ABCB5: variants seen among roughly 807,000 people sequenced by gnomAD.
The protein encoded by ABCB5 is ATP binding cassette subfamily B member 5.
A neutral mutation model predicts 144.2 loss-of-function variants in ABCB5; 155 were observed. That is an observed-to-expected ratio of 1.08 (90% CI 0.94 to 1.23). The LOEUF is 1.23. ABCB5 is among the 50% of genes most tolerant of loss of function. The pLI is 0.00. For synonymous variants in ABCB5, 610 were observed against 528.6 expected (o/e 1.15, Z -2.11); for missense variants, 1,830 against 1,520.8 (o/e 1.20, Z -3.38).
rs555372630 is a variant in ABCB5, at chr7:20,688,083, C to T, written c.2010+2247C>T. Reference sequence around the variant, plus strand: ...TGGCACATGCCTGTAATCCTAGCTACTCGGGAGGCTGAGGCAGGAGAATTG... The same window carrying T: ...TGGCACATGCCTGTAATCCTAGCTATTCGGGAGGCTGAGGCAGGAGAATTG... On this transcript the variant is annotated intron_variant, in intron 16 of 27. Transcript: ENST00000404938. Among the ~76,000 whole-genome samples the T allele has an allele frequency of 1.6e-4, 24 of 152,124 alleles. No homozygotes were observed. The South Asian group carries it at 5.0e-3, about 32-fold the overall frequency.
intron 5 of ABCB5, among the ~76,000 whole-genome samples, chr7:20,635,672 G>A (rs67238775): frequency 0.098 from 14,915 of 151,990 alleles, 775 homozygotes; most frequent in East Asian, 0.15. Context: ...TATTGTAAAT[G>A]GGATTGATTT....
intron 16 of ABCB5, among the ~76,000 whole-genome samples, chr7:20,687,628 G>T (rs966661165): frequency 6.6e-6 from 1 of 152,200 alleles, no homozygotes. Flanking sequence ...ACCAAGAACC[G>T]AAATAAGCTA....
intron 23 of ABCB5, among the ~76,000 whole-genome samples, chr7:20,731,846 A>G (rs944793951): frequency 2.0e-5 from 3 of 152,066 alleles, no homozygotes; most frequent in Non-Finnish European, 2.9e-5. Flanking sequence ...ACACTCATCC[A>G]AGCCCCTCCC....
intron 14 of ABCB5, among the ~76,000 whole-genome samples, chr7:20,668,780 G>A (rs1338364601): frequency 1.5e-5 from 2 of 135,534 alleles, no homozygotes; most frequent in East Asian, 5.0e-4. Flanking sequence ...GGGCGCCTCT[G>A]CCCGGCCGCC....
intron 11 of ABCB5, among the ~76,000 whole-genome samples, chr7:20,649,576 A>G (rs1302153901): frequency 6.6e-6 from 1 of 152,212 alleles, no homozygotes; most frequent in Non-Finnish European, 1.5e-5. Context: ...ATCGGGAGCC[A>G]CTAAGAAACT....
Position 20,645,837 on chromosome 7 carries a change from C to T in ABCB5, c.760C>T (p.Arg254Ter), listed in dbSNP as rs761038118. 42 of 1,613,666 alleles carry T rather than the reference C, an allele frequency of 2.6e-5. No homozygotes were observed. The highest frequency in any genetic ancestry group is 4.5e-5 in the East Asian group (2 of 44,882). The part of the protein sequence containing the change: ...AVAEEVLSSI[R>*]TVIAFRAQEK... Reference sequence around the variant, plus strand: ...GGCAGAAGAAGTCTTGTCATCAATCCGAACAGTCATAGCCTTTAGGGCCCA... The same window carrying T: ...GGCAGAAGAAGTCTTGTCATCAATCTGAACAGTCATAGCCTTTAGGGCCCA... Residue 254 changes from arginine to a stop codon, truncating the protein, a stop_gained, in exon 8 of 28, where the codon CGA becomes TGA. Transcript: ENST00000404938. LOFTEE classifies it high-confidence loss of function.
At chr7:20,637,048 C>G (rs1278601348) in intron 5 of ABCB5, among the ~76,000 whole-genome samples, 1 of 152,046 alleles carries the variant, frequency 6.6e-6, no homozygotes, top group Non-Finnish European at 1.5e-5. Flanking sequence ...TCCAAACCTA[C>G]CAATATTTGA....
intron 14 of ABCB5, among the ~76,000 whole-genome samples, chr7:20,672,772 T>A (rs1302970854): frequency 6.6e-6 from 1 of 152,160 alleles, no homozygotes; most frequent in East Asian, 1.9e-4. Context: ...CTGTACAATT[T>A]GTTGAAAAAA....
intron 13 of ABCB5, 29 bp downstream of exon 13, chr7:20,651,652 A>G: frequency 6.2e-7 from 1 of 1,608,128 alleles, no homozygotes. Flanking sequence ...CTGTGTCCTT[A>G]GCTTATGGTG....
At chr7:20,661,489 G>C (rs1273434238) in intron 14 of ABCB5, among the ~76,000 whole-genome samples, 3 of 151,566 alleles carry the variant, frequency 2.0e-5, no homozygotes, top group African/African-American at 7.3e-5. Flanking sequence ...TGTGATCCAG[G>C]ATACTTCTAA....
intron 14 of ABCB5, among the ~76,000 whole-genome samples, chr7:20,678,200 T>C (rs1212998431): frequency 6.6e-6 from 1 of 152,228 alleles, no homozygotes; most frequent in Non-Finnish European, 1.5e-5. Flanking sequence ...TACATATTTT[T>C]CCTGCATTTT....
At chr7:20,727,299 T>G (rs933741358) in intron 22 of ABCB5, among the ~76,000 whole-genome samples, 159 bp downstream of exon 22, 3 of 152,306 alleles carry the variant, frequency 2.0e-5, no homozygotes, top group Admixed American at 6.5e-5. Flanking sequence ...CAAGAGAAAC[T>G]AGAAGAGGAA....
chr7:20,693,266 TG>T (rs1160587563), intron 16 of ABCB5, among the ~76,000 whole-genome samples: 1 of 152,028 alleles, frequency 6.6e-6, no homozygotes, highest in Non-Finnish European at 1.5e-5. Context: ...ACTGGAAGGC[TG>T]ATATAGGAGG....
At chr7:20,642,599 T>C (rs1409108009) in intron 5 of ABCB5, among the ~76,000 whole-genome samples, 2 of 152,138 alleles carry the variant, frequency 1.3e-5, no homozygotes, top group Non-Finnish European at 2.9e-5. Flanking sequence ...CATGGCTGTG[T>C]CTCTAGACCC....
intron 20 of ABCB5, among the ~76,000 whole-genome samples, chr7:20,712,977 G>T (rs1025676484): frequency 6.7e-6 from 1 of 149,272 alleles, no homozygotes; most frequent in Non-Finnish European, 1.5e-5. Flanking sequence ...TAGTTACCAC[G>T]ATATACAACA....
In ABCB5 at chr7:20,657,643, T is replaced by C. The variant is rs140975028; in HGVS notation, c.1537-863T>C. ...TGGGTTTTGACTGAAAAAAGTGACA[T>C]AAGGAAACTTACTAGGGCTACAGAA... is the stretch of plus-strand genomic sequence containing the variant. On this transcript the variant is annotated intron_variant, in intron 13 of 27. Transcript: ENST00000404938. 5.5e-4 allele frequency among the ~76,000 whole-genome samples: 83 copies of C among 152,284 alleles called. 1 individual carries two copies. The East Asian group carries it at 0.013, about 23-fold the overall frequency.
intron 24 of ABCB5, among the ~76,000 whole-genome samples, chr7:20,739,758 C>A (rs997295653): frequency 6.6e-6 from 1 of 151,668 alleles, no homozygotes; most frequent in Admixed American, 6.6e-5. Flanking sequence ...AAATAATATT[C>A]TGCTGCTTCA....
chr7:20,642,374 A>C (rs1279291082), intron 5 of ABCB5, among the ~76,000 whole-genome samples: 1 of 152,044 alleles, frequency 6.6e-6, no homozygotes, highest in Admixed American at 6.6e-5. Flanking sequence ...TGGCTGGCTT[A>C]ATTTCACGTT....
At chr7:20,628,943 T>G in intron 4 of ABCB5, 105 bp downstream of exon 4, 2 of 1,310,642 alleles carry the variant, frequency 1.5e-6, no homozygotes, top group Non-Finnish European at 1.0e-6. Flanking sequence ...TAAAACAGTA[T>G]CTGTATAATA....
Sources: allele counts gnomAD v4.1 joint callset (sites outside exome capture counted in the v4.1 genomes callset), GRCh38; gene constraint gnomAD v4.1.1; transcripts MANE v1.5; gene names NCBI Gene and HGNC (gene_info 2026-07-23, HGNC 2026-07-21).